NAV3: variants seen among roughly 807,000 people sequenced by gnomAD.
NAV3 encodes the protein pore membrane and/or filament interacting like protein 1.
In NAV3, 87 loss-of-function variants were observed where a neutral mutation model predicts 244.7. The observed-to-expected ratio is 0.36, with a 90% CI of 0.30 to 0.42. NAV3 has a LOEUF of 0.42. Among genes scored for constraint, NAV3 ranks in the 20% least tolerant of loss-of-function variants. NAV3 has a pLI of 1.00. For synonymous variants in NAV3, 1,126 were observed against 1,042.2 expected, an observed-to-expected ratio of 1.08 and a Z score of -1.55; for missense variants, 2,663 against 2,893.3, an observed-to-expected ratio of 0.92 and a Z score of 1.83.
intron 5 of NAV3, among the ~76,000 whole-genome samples, chr12:77,986,358 T>A (rs1015272601): frequency 2.0e-5 from 3 of 152,150 alleles, no homozygotes; most frequent in African/African-American, 7.2e-5. Context: ...CAAAACTCCA[T>A]CTCAAATAAT....
chr12:77,873,223 C>G (rs1451837161), intron 1 of NAV3, among the ~76,000 whole-genome samples: 1 of 152,070 alleles, frequency 6.6e-6, no homozygotes, highest in Non-Finnish European at 1.5e-5. Context: ...AATAAATTAC[C>G]CCATCTTGGG....
intron 12 of NAV3, among the ~76,000 whole-genome samples, chr12:78,109,547 A>T (rs899581613): frequency 6.6e-6 from 1 of 152,110 alleles, no homozygotes; most frequent in African/African-American, 2.4e-5. Flanking sequence ...AAAAATCATT[A>T]ACAAAATACT....
intron 2 of NAV3, among the ~76,000 whole-genome samples, chr12:77,757,663 G>A (rs1283509059): frequency 2.0e-5 from 3 of 152,128 alleles, no homozygotes; most frequent in Non-Finnish European, 4.4e-5. Flanking sequence ...CCAAATTTCA[G>A]AGATGATTTG....
rs372171032 is a variant in NAV3, at chr12:78,159,337, A to G, written c.4869+51A>G. On this transcript the variant is annotated intron_variant, in intron 23 of 39. Transcript: ENST00000397909. ...ACTGAAAGAAGACAGCAAATTGCAT[A>G]GGATTCTTAAATAATACCTGAAGCT... is the stretch of plus-strand genomic sequence containing the variant. 22 of 1,445,144 alleles carry G rather than the reference A, an allele frequency of 1.5e-5. No individual in the cohort carries two copies. In the African/African-American group the frequency reaches 3.1e-4, roughly 20 times the overall value. 89.5% of individuals were successfully genotyped at this position (1,445,144 alleles called of 1,614,324 possible). A position where few individuals can be genotyped will look rare whatever the true frequency, so the allele number is the denominator to read the frequency against.
chr12:77,800,759 T>G (rs570298258), intron 2 of NAV3, among the ~76,000 whole-genome samples: 1 of 152,146 alleles, frequency 6.6e-6, no homozygotes, highest in Admixed American at 6.6e-5. Context: ...TAAGATCTGC[T>G]TTTTAGGAGA....
At chr12:77,806,357 T>C (rs1389962045) in intron 2 of NAV3, among the ~76,000 whole-genome samples, 2 of 152,228 alleles carry the variant, frequency 1.3e-5, no homozygotes, top group Non-Finnish European at 2.9e-5. Context: ...GAGATTCTAG[T>C]ACATTGTGTC....
chr12:78,186,171 A>T (rs1358693430), intron 31 of NAV3, among the ~76,000 whole-genome samples: 1 of 151,864 alleles, frequency 6.6e-6, no homozygotes, highest in East Asian at 1.9e-4. Flanking sequence ...TTGTCTATTT[A>T]AGCAAGGTCC....
At chr12:78,149,299 C>T (rs1384010531) in intron 22 of NAV3, among the ~76,000 whole-genome samples, 2 of 152,106 alleles carry the variant, frequency 1.3e-5, no homozygotes, top group Non-Finnish European at 2.9e-5. Context: ...TCCTTCATCT[C>T]AATGTATTGA....
chr12:78,117,909 GT>G, intron 13 of NAV3, 117 bp from the exon 14 acceptor site: 1 of 1,005,418 alleles, frequency 9.9e-7, no homozygotes, highest in Non-Finnish European at 1.4e-6. Context: ...GTAAGTGAAG[GT>G]AAATCAAAAT....
At chr12:77,738,875 G>A (rs937595680) in intron 2 of NAV3, among the ~76,000 whole-genome samples, 10 of 152,026 alleles carry the variant, frequency 6.6e-5, no homozygotes, top group African/African-American at 2.4e-4. Flanking sequence ...AGCCGGGCTT[G>A]GGGGCGGGCG....
chr12:77,645,536 T>A lies in NAV3; in HGVS notation c.72+73270T>A, dbSNP rs376276900. Among the ~76,000 whole-genome samples, 215 of 62,830 alleles carry A rather than the reference T, an allele frequency of 3.4e-3. 3 individuals carry two copies. The highest frequency in any genetic ancestry group is 9.0e-3 in the African/African-American group (124 of 13,734). The allele number at this position is 62,830 out of a possible 152,430, so 41.2% of individuals were successfully genotyped here. A position where few individuals can be genotyped will look rare whatever the true frequency, so the allele number is the denominator to read the frequency against. ...GAATTCATGGAGAGCTCTCTCTCTC[T>A]AAAAAAAAAAAAAAAAAAAAAAAAC... is the stretch of plus-strand genomic sequence containing the variant. On this transcript the variant is annotated intron_variant, in intron 2 of 8. Coordinates refer to the NAV3 transcript ENST00000550042.
chr12:77,773,800 A>C (rs780944027), intron 2 of NAV3, among the ~76,000 whole-genome samples: 3 of 152,142 alleles, frequency 2.0e-5, no homozygotes, highest in Non-Finnish European at 4.4e-5. Context: ...CATCCACTTA[A>C]TTGTGTAATT....
intron 2 of NAV3, among the ~76,000 whole-genome samples, chr12:77,582,587 A>G (rs1869414598): frequency 6.6e-6 from 1 of 152,210 alleles, no homozygotes; most frequent in African/African-American, 2.4e-5. Flanking sequence ...AAATTTGATA[A>G]GCTACACAAA....
At chr12:77,711,908 T>G (rs1376447168) in intron 2 of NAV3, among the ~76,000 whole-genome samples, 1 of 152,210 alleles carries the variant, frequency 6.6e-6, no homozygotes, top group Non-Finnish European at 1.5e-5. Context: ...TTATGATTTC[T>G]CTGGTGGGCT....
At chr12:78,145,403 A>G (rs1224431891) in intron 20 of NAV3, among the ~76,000 whole-genome samples, 1 of 152,330 alleles carries the variant, frequency 6.6e-6, no homozygotes, top group Middle Eastern at 3.4e-3. Flanking sequence ...AGTAAAAAAC[A>G]GTTCAGGTAG....
chr12:77,802,371 G>A (rs1031332274), intron 2 of NAV3, among the ~76,000 whole-genome samples: 1 of 152,176 alleles, frequency 6.6e-6, no homozygotes, highest in Non-Finnish European at 1.5e-5. Context: ...GGAGACACAA[G>A]CATGAAGTTA....
intron 2 of NAV3, among the ~76,000 whole-genome samples, chr12:77,666,997 A>G (rs564167847): frequency 7.9e-5 from 12 of 152,330 alleles, no homozygotes; most frequent in Admixed American, 3.3e-4. Context: ...GTGTATGTGT[A>G]TACTTTTTTT....
chr12:77,784,950 A>G (rs1471480445), intron 2 of NAV3, among the ~76,000 whole-genome samples: 2 of 152,184 alleles, frequency 1.3e-5, no homozygotes, highest in African/African-American at 4.8e-5. Flanking sequence ...AGGTTCTTGT[A>G]TGGCTGGATA....
intron 5 of NAV3, among the ~76,000 whole-genome samples, chr12:77,991,631 T>C (rs1593216728): frequency 6.6e-6 from 1 of 152,118 alleles, no homozygotes; most frequent in South Asian, 2.1e-4. Context: ...ATAGGAGTTA[T>C]AGCATGAGTA....
Sources: gnomAD v4.1 joint callset for allele counts (sites outside exome capture counted in the v4.1 genomes callset) on GRCh38, gnomAD v4.1.1 for gene constraint, MANE v1.5 for transcripts, NCBI Gene and HGNC (gene_info 2026-07-23, HGNC 2026-07-21) for gene names.